DOP1B: variants seen among roughly 807,000 people sequenced by gnomAD.
DOP1B encodes DOP1 leucine zipper like protein B.
A neutral mutation model predicts 233.5 loss-of-function variants in DOP1B; 174 were observed. The observed-to-expected ratio is 0.75, with a 90% CI of 0.66 to 0.85. The LOEUF (loss-of-function observed/expected upper bound fraction) is 0.85. Among genes scored for constraint, DOP1B ranks in the 40% least tolerant of loss-of-function variants. The pLI, the probability that DOP1B is intolerant of heterozygous loss-of-function variation, is 0.00. For synonymous variants in DOP1B, 1,190 were observed against 1,185.6 expected, an observed-to-expected ratio of 1.00 and a Z score of -0.08; for missense variants, 2,652 against 2,846.6, an observed-to-expected ratio of 0.93 and a Z score of 1.56.
In DOP1B at chr21:36,169,799, T is replaced by C. The variant is rs111957719; in HGVS notation, c.138+4928T>C. The C allele has an allele frequency of 1.2e-5, 15 of 1,238,966 alleles. 2 individuals are homozygous for C. The African/African-American group carries it at 1.8e-4, about 15-fold the overall frequency. 76.7% of individuals were successfully genotyped at this position (1,238,966 alleles called of 1,614,324 possible). ...TTCTTGCAGTACTTGGTAAAGGCCT[T>C]CTTCCTAGATTTATGCCGGTTGTTA... On this transcript the variant is annotated intron_variant, in intron 2 of 36. Transcript: ENST00000691173.
intron 2 of DOP1B, among the ~76,000 whole-genome samples, chr21:36,188,369 TTA>T (rs1246135265): frequency 6.6e-6 from 1 of 152,172 alleles, no homozygotes; most frequent in South Asian, 2.1e-4. Flanking sequence ...TTTCTCCAGC[TTA>T]TCTCTTGCCA....
Position 36,208,794 on chromosome 21 carries a change from G to C in DOP1B, c.571G>C (p.Ala191Pro). The change falls in exon 5 of 37, where the codon GCC becomes CCC. Residue 191 changes from alanine to proline, a missense_variant. Coordinates refer to ENST00000691173, the MANE Select transcript of DOP1B (RefSeq NM_001320714.2). ...CACCGCCCTCTGGGGGAGCGTCCTG[G>C]CCAGCCCGTCCATCCGCCTCCCTGC... ...FYTALWGSVLASPSIRLPASV... is the reference protein window; with the variant it reads ...FYTALWGSVLPSPSIRLPASV... 1 of 1,611,048 alleles carries C rather than the reference G, an allele frequency of 6.2e-7. No homozygotes were observed. The highest frequency in any genetic ancestry group is 8.5e-7 in the Non-Finnish European group (1 of 1,178,618).
intron 4 of DOP1B, 130 bp downstream of exon 4, chr21:36,200,631 C>G: frequency 8.7e-7 from 1 of 1,150,988 alleles, no homozygotes; most frequent in Non-Finnish European, 1.2e-6. Flanking sequence ...ATCACAAGGT[C>G]AGGAGATGGA....
intron 4 of DOP1B, among the ~76,000 whole-genome samples, chr21:36,204,944 T>A (rs1040445102): frequency 2.0e-5 from 3 of 152,104 alleles, no homozygotes; most frequent in African/African-American, 4.8e-5. Flanking sequence ...CGTGAGCCAC[T>A]GCACCCAGCA....
chr21:36,257,391 A>G (rs1458897243), intron 23 of DOP1B, among the ~76,000 whole-genome samples: 1 of 152,218 alleles, frequency 6.6e-6, no homozygotes. Flanking sequence ...GAAACCTAGC[A>G]GGGCCTGCCT....
chr21:36,223,115 G>A lies in DOP1B; in HGVS notation c.1251-116G>A, dbSNP rs568432614. 3.4e-5 allele frequency: 36 copies of A among 1,061,940 alleles called. 1 individual carries two copies. The South Asian group carries it at 5.8e-4, about 17-fold the overall frequency. The allele number at this position is 1,061,940 out of a possible 1,614,324, so 65.8% of individuals were successfully genotyped here. On this transcript the variant is annotated intron_variant, in intron 10 of 36. Coordinates refer to ENST00000691173, the MANE Select transcript of DOP1B (RefSeq NM_001320714.2). Reference sequence around the variant, plus strand: ...AATATTTTCATTTTTATCAGGGTGTGTCAGCTTCTCTAGAAATAAGTTGCA... The same window carrying A: ...AATATTTTCATTTTTATCAGGGTGTATCAGCTTCTCTAGAAATAAGTTGCA...
At chr21:36,278,187 C>T (rs774737801) in intron 29 of DOP1B, 22 bp from the exon 30 acceptor site, 60 of 1,613,514 alleles carry the variant, frequency 3.7e-5, no homozygotes, top group Non-Finnish European at 3.8e-5. Flanking sequence ...CTTGACCCTT[C>T]TCTCTTCCCA....
At chr21:36,249,349 G>A (rs1195367489) in intron 21 of DOP1B, among the ~76,000 whole-genome samples, 1 of 152,142 alleles carries the variant, frequency 6.6e-6, no homozygotes, top group East Asian at 1.9e-4. Flanking sequence ...GATTGCTTGA[G>A]CCTGGGAGGT....
rs1219571484 is a variant in DOP1B at position 36,199,174 on chromosome 21, A to G, written c.243A>G (p.Leu81=). ...LHPALPSGVH[L]KALETYEIIF... ...CTGCCCTGCCCAGTGGTGTCCACTT[A>G]AAAGCTCTGGAAACCTACGAGATTA... is the stretch of plus-strand genomic sequence containing the variant. Residue 81 remains leucine, a synonymous_variant, in exon 3 of 37, where the codon TTA becomes TTG. Coordinates refer to ENST00000691173, the MANE Select transcript of DOP1B (RefSeq NM_001320714.2). 1 of 1,614,150 alleles carries G rather than the reference A, an allele frequency of 6.2e-7. No individual in the cohort carries two copies. Among genetic ancestry groups the G allele is most frequent in the Non-Finnish European group, 8.5e-7 (1 of 1,180,020 alleles).
At chr21:36,162,171 A>G (rs1429004359) in intron 1 of DOP1B, among the ~76,000 whole-genome samples, 1 of 152,218 alleles carries the variant, frequency 6.6e-6, no homozygotes, top group Non-Finnish European at 1.5e-5. Flanking sequence ...TGGAAAGAAC[A>G]GCCAGGCTCC....
chr21:36,215,828 G>C (rs1400074355), intron 9 of DOP1B, among the ~76,000 whole-genome samples: 121 of 128,922 alleles, frequency 9.4e-4, no homozygotes, highest in South Asian at 1.4e-3. Context: ...GCCTGGCCAA[G>C]ATGGTGAAAC....
At chr21:36,222,233 G>T (rs1005422631) in intron 10 of DOP1B, among the ~76,000 whole-genome samples, 7 of 152,174 alleles carry the variant, frequency 4.6e-5, no homozygotes, top group African/African-American at 1.7e-4. Flanking sequence ...ATGTAGCTGT[G>T]CAGGGATTTC....
At chr21:36,184,205 C>T (rs1458659141) in intron 2 of DOP1B, among the ~76,000 whole-genome samples, 1 of 152,092 alleles carries the variant, frequency 6.6e-6, no homozygotes, top group African/African-American at 2.4e-5. Flanking sequence ...TGCACCACCA[C>T]ACCTGGCTAA....
chr21:36,211,505 A>G (rs1238101136), intron 5 of DOP1B, 48 bp from the exon 6 acceptor site: 8 of 1,561,316 alleles, frequency 5.1e-6, no homozygotes, highest in South Asian at 1.1e-5. Context: ...CGTTTTTATG[A>G]CCATAAAGAG....
Position 36,248,450 on chromosome 21 carries a change from C to T in DOP1B, c.4880C>T (p.Thr1627Ile), listed in dbSNP as rs1456777122. The T allele has an allele frequency of 1.2e-6, 2 of 1,614,140 alleles. No individual in the cohort carries two copies. The highest frequency in any genetic ancestry group is 2.2e-5 in the South Asian group (2 of 91,066). Residue 1627 changes from threonine to isoleucine, a missense_variant, in exon 21 of 37, where the codon ACT becomes ATT. Around this residue, in one of 3 missense-constraint regions of DOP1B, gnomAD observed 2,617 missense variants for 2,794.3 expected, o/e 0.94. Transcript: ENST00000691173. ...RNAILEELPRTVNTMALLWNV... is the reference protein window; with the variant it reads ...RNAILEELPRIVNTMALLWNV... ...GCCATTTTGGAAGAGCTGCCTCGAA[C>T]TGTTAACACCATGGCCCTTCTCTGG...
At chr21:36,240,329 A>C (rs914099870) in intron 18 of DOP1B, among the ~76,000 whole-genome samples, 2 of 152,004 alleles carry the variant, frequency 1.3e-5, no homozygotes, top group African/African-American at 4.8e-5. Context: ...AAAATACAAA[A>C]ATTAGCCGGG....
chr21:36,225,021 C>T (rs1332314210), intron 11 of DOP1B, among the ~76,000 whole-genome samples: 1 of 151,970 alleles, frequency 6.6e-6, no homozygotes, highest in East Asian at 1.9e-4. Context: ...TCCTGGGAGA[C>T]ACCTGAATTG....
rs780434829 is a variant in DOP1B, at chr21:36,263,665, C to A, written c.5420+15C>A. On this transcript the variant is annotated intron_variant, in intron 25 of 36. Transcript: ENST00000691173. Reference sequence around the variant, plus strand: ...CTGCTTCTCAGGTATCATGTCACCACATTGTCATTGTGTAATATTTTCTCT... The same window carrying A: ...CTGCTTCTCAGGTATCATGTCACCAAATTGTCATTGTGTAATATTTTCTCT... 6 of 1,613,022 alleles carry A rather than the reference C, an allele frequency of 3.7e-6. No homozygotes were observed. In the East Asian group the frequency reaches 6.7e-5, roughly 18 times the overall value.
rs778905432 is a variant in DOP1B, at chr21:36,253,881, G to C, written c.5231G>C (p.Arg1744Thr). ...LLHLVKEVVK[R>T]PPQVKGGDEK... ...CACCTGGTGAAGGAGGTGGTGAAGAGGCCACCCCAAGTCAAAGGGGGTGAT... is the reference window on the plus strand; with the variant it reads ...CACCTGGTGAAGGAGGTGGTGAAGACGCCACCCCAAGTCAAAGGGGGTGAT... The change falls in exon 23 of 37, where the codon AGG becomes ACG. Residue 1744 changes from arginine to threonine, a missense_variant. Around this residue, in one of 3 missense-constraint regions of DOP1B, gnomAD observed 2,617 missense variants for 2,794.3 expected, o/e 0.94. Transcript: ENST00000691173. 6 of 1,614,050 alleles carry C rather than the reference G, an allele frequency of 3.7e-6. No individual in the cohort carries two copies. Among genetic ancestry groups the C allele is most frequent in the Non-Finnish European group, 4.2e-6 (5 of 1,179,994 alleles).
Sources: gnomAD v4.1 joint callset for allele counts (sites outside exome capture counted in the v4.1 genomes callset) on GRCh38, gnomAD v4.1.1 for gene constraint, gnomAD v4.1.1 regional missense constraint, MANE v1.5 for transcripts, NCBI Gene and HGNC (gene_info 2026-07-23, HGNC 2026-07-21) for gene names.